ARFGEF1: variants seen among roughly 807,000 people sequenced by gnomAD.
ARFGEF1 encodes brefeldin A-inhibited guanine nucleotide-exchange protein 1.
In ARFGEF1, 42 loss-of-function variants were observed where a neutral mutation model predicts 231.0. That is an observed-to-expected ratio of 0.18 (90% CI 0.14 to 0.24). ARFGEF1 has a LOEUF of 0.24. Among genes scored for constraint, ARFGEF1 ranks in the 10% least tolerant of loss-of-function variants. ARFGEF1 has a pLI of 1.00. For synonymous variants in ARFGEF1, 710 were observed against 732.3 expected (o/e 0.97, Z 0.49); for missense variants, 1,345 against 2,192.0 (o/e 0.61, Z 7.72).
intron 5 of ARFGEF1, chr8:67,179,772 A>C: frequency 1.2e-6 from 1 of 807,278 alleles, no homozygotes; most frequent in East Asian, 2.5e-5. Context: ...TAGGGAGAAC[A>C]GTGTGGAAAC....
At chr8:67,264,408 T>C (rs538342853) in intron 14 of ARFGEF1, among the ~76,000 whole-genome samples, 1 of 152,172 alleles carries the variant, frequency 6.6e-6, no homozygotes, top group East Asian at 1.9e-4. Flanking sequence ...TCCCAGGATT[T>C]TAGCTTATAA....
chr8:67,321,943 T>C (rs1292659576), intron 1 of ARFGEF1, among the ~76,000 whole-genome samples: 1 of 152,210 alleles, frequency 6.6e-6, no homozygotes, highest in Non-Finnish European at 1.5e-5. Flanking sequence ...GCCTCCATGA[T>C]TTGGCTCCTG....
intron 1 of ARFGEF1, among the ~76,000 whole-genome samples, chr8:67,335,769 C>T (rs566289299): frequency 6.7e-6 from 1 of 149,838 alleles, no homozygotes; most frequent in African/African-American, 2.5e-5. Flanking sequence ...TTTTTTGAGA[C>T]GGACTCTCGC....
At chr8:67,329,573 T>A (rs931182503) in intron 1 of ARFGEF1, among the ~76,000 whole-genome samples, 13 of 148,004 alleles carry the variant, frequency 8.8e-5, no homozygotes, top group East Asian at 3.9e-4. Context: ...AATAAATAAA[T>A]AAAAAGAATT....
At chr8:67,200,565 A>G in intron 37 of ARFGEF1, 52 bp from the exon 38 acceptor site, 2 of 1,098,112 alleles carry the variant, frequency 1.8e-6, no homozygotes, top group East Asian at 2.4e-5. Flanking sequence ...ACTGGTCCCC[A>G]TATTCACCGA....
At chr8:67,204,351 A>G (rs886676701) in intron 35 of ARFGEF1, among the ~76,000 whole-genome samples, 2 of 152,166 alleles carry the variant, frequency 1.3e-5, no homozygotes, top group African/African-American at 4.8e-5. Context: ...GCTTCTTCTT[A>G]AAACATTTTC....
At chr8:67,231,136 T>G (rs1473050364) in intron 23 of ARFGEF1, among the ~76,000 whole-genome samples, 1 of 152,078 alleles carries the variant, frequency 6.6e-6, no homozygotes, top group East Asian at 1.9e-4. Flanking sequence ...ACTACTGTCT[T>G]GACTACCACT....
At chr8:67,267,819 T>C (rs1804909710) in intron 10 of ARFGEF1, among the ~76,000 whole-genome samples, 2 of 152,336 alleles carry the variant, frequency 1.3e-5, no homozygotes, top group Admixed American at 1.3e-4. Flanking sequence ...AGTTATATTT[T>C]TCAGAGACGT....
intron 23 of ARFGEF1, among the ~76,000 whole-genome samples, chr8:67,230,961 G>A: frequency 6.6e-6 from 1 of 151,950 alleles, no homozygotes; most frequent in Non-Finnish European, 1.5e-5. Flanking sequence ...TTCTCTGTTG[G>A]TTAATAAACC....
At chr8:67,311,417 G>T (rs1383823941) in intron 1 of ARFGEF1, among the ~76,000 whole-genome samples, 3 of 138,960 alleles carry the variant, frequency 2.2e-5, no homozygotes, top group African/African-American at 8.2e-5. Context: ...GAGGGAGGTG[G>T]GGGGTCAGCC....
intron 32 of ARFGEF1, among the ~76,000 whole-genome samples, chr8:67,217,004 A>C (rs1838958812): frequency 6.6e-6 from 1 of 151,906 alleles, no homozygotes. Flanking sequence ...TCTCAAAAAA[A>C]AAAAAAAATC....
At chr8:67,294,465 CA>C (rs373193467) in intron 5 of ARFGEF1, among the ~76,000 whole-genome samples, 1 of 151,904 alleles carries the variant, frequency 6.6e-6, no homozygotes, top group Non-Finnish European at 1.5e-5. Flanking sequence ...AGGCTAAAGA[CA>C]AAAAAACCTG....
At chr8:67,238,680 A>C (rs2128878216) in intron 21 of ARFGEF1, 55 bp downstream of exon 21, 1 of 1,574,318 alleles carries the variant, frequency 6.4e-7, no homozygotes, top group East Asian at 2.3e-5. Flanking sequence ...TGGACTATTT[A>C]GCATTAGCTC....
chr8:67,179,727 T>C (rs1832565399), intron 5 of ARFGEF1: 1 of 602,802 alleles, frequency 1.7e-6, no homozygotes, highest in Non-Finnish European at 2.9e-6. Context: ...AGCATTGGAA[T>C]GTAGTCAGTC....
intron 23 of ARFGEF1, among the ~76,000 whole-genome samples, chr8:67,229,961 A>T (rs560901310): frequency 6.6e-6 from 1 of 152,142 alleles, no homozygotes; most frequent in Non-Finnish European, 1.5e-5. Context: ...AGGTGTTGAC[A>T]TAACGGAGAA....
chr8:67,209,812 G>A (rs576290275), intron 34 of ARFGEF1, among the ~76,000 whole-genome samples: 37 of 152,172 alleles, frequency 2.4e-4, no homozygotes, highest in East Asian at 7.7e-4. Context: ...GGCACAGGCC[G>A]ACTAAGGTTG....
In ARFGEF1 at chr8:67,301,206, G is replaced by A; in HGVS notation, c.312+18C>T. On this transcript the variant is annotated intron_variant, in intron 3 of 38. Transcript: ENST00000262215. ...ATTCAAAGTACACAGTTTTTAGAAA[G>A]TGCCATTTTAGACATACCTGTAAGC... The A allele has an allele frequency of 6.4e-7, 1 of 1,572,596 alleles. No individual in the cohort carries two copies. Among genetic ancestry groups the A allele is most frequent in the Non-Finnish European group, 8.6e-7 (1 of 1,161,300 alleles).
chr8:67,211,657 A>G (rs755661658), intron 33 of ARFGEF1, 42 bp from the exon 34 acceptor site: 4 of 1,224,158 alleles, frequency 3.3e-6, no homozygotes, highest in Non-Finnish European at 4.4e-6. Context: ...TGGTTAATAA[A>G]GTTTATGGGT....
intron 1 of ARFGEF1, among the ~76,000 whole-genome samples, chr8:67,341,425 C>CAAA (rs1186065653): frequency 5.7e-5 from 5 of 87,900 alleles, no homozygotes; most frequent in South Asian, 3.9e-4. Flanking sequence ...CCATCTCCAC[C>CAAA]AAAAAAAAAA....
Sources: gnomAD v4.1 joint callset for allele counts (sites outside exome capture counted in the v4.1 genomes callset) on GRCh38, gnomAD v4.1.1 for gene constraint, MANE v1.5 for transcripts, NCBI Gene and HGNC (gene_info 2026-07-23, HGNC 2026-07-21) for gene names.